Variants in CCDC136 observed in about 807,000 individuals in gnomAD.
CCDC136 encodes coiled-coil domain-containing protein 136.
A neutral mutation model predicts 141.2 loss-of-function variants in CCDC136; 100 were observed. That is an observed-to-expected ratio of 0.71 (90% CI 0.60 to 0.84). The LOEUF (loss-of-function observed/expected upper bound fraction) is 0.84. Ranked by LOEUF, CCDC136 falls within the 40% of genes least tolerant of loss-of-function variation. The pLI is 0.00. For synonymous variants in CCDC136, 474 were observed against 531.9 expected, an observed-to-expected ratio of 0.89 and a Z score of 1.50; for missense variants, 1,206 against 1,379.4, an observed-to-expected ratio of 0.87 and a Z score of 1.99.
At chr7:128,812,616 C>A in intron 13 of CCDC136, 92 bp from the exon 14 acceptor site, 1 of 978,480 alleles carries the variant, frequency 1.0e-6, no homozygotes, top group Non-Finnish European at 1.6e-6. Flanking sequence ...ATCCTGGTGG[C>A]CATTGTTTGG....
At position 128,817,733 on chromosome 7, in the gene CCDC136, T is replaced by C; in HGVS notation, c.3364-25T>C. ...ACATCTCCTGGTCTCTCCTCGTGCT[T>C]CTTTCTCATTTTGGTGTGTTGCAGT... On this transcript the variant is annotated intron_variant, in intron 16 of 17. Transcript: ENST00000297788. The surrounding 1 kb of genome is among the most constrained non-coding windows in gnomAD (Gnocchi z 4.6). The C allele has an allele frequency of 6.6e-7, 1 of 1,516,620 alleles. No homozygotes were observed. Among genetic ancestry groups the C allele is most frequent in the South Asian group, 1.1e-5 (1 of 89,056 alleles). The allele number at this position is 1,516,620 out of a possible 1,614,324, so 93.9% of individuals were successfully genotyped here. A position where few individuals can be genotyped will look rare whatever the true frequency, so the allele number is the denominator to read the frequency against.
intron 16 of CCDC136, among the ~76,000 whole-genome samples, chr7:128,816,475 A>G (rs1187225381): frequency 6.6e-6 from 1 of 152,116 alleles, no homozygotes; most frequent in Non-Finnish European, 1.5e-5. Flanking sequence ...TGGGGCCTGG[A>G]AGTGATCAAG....
intron 14 of CCDC136, among the ~76,000 whole-genome samples, 160 bp downstream of exon 14, chr7:128,813,089 C>T (rs952579612): frequency 6.6e-6 from 1 of 152,150 alleles, no homozygotes; most frequent in Admixed American, 6.5e-5. Flanking sequence ...CCCAAGTGCC[C>T]GTGGAGCTGG....
chr7:128,808,257 G>A (rs11765411), intron 10 of CCDC136, among the ~76,000 whole-genome samples: 2,375 of 152,182 alleles, frequency 0.016, 24 homozygotes, highest in Non-Finnish European at 0.023. Context: ...GGCTGGTCTC[G>A]AACTCCTGAC....
At position 128,794,652 on chromosome 7, in the gene CCDC136, C is replaced by G. The variant is rs1802679990; in HGVS notation, c.272-42C>G. On this transcript the variant is annotated intron_variant, in intron 2 of 17. Transcript: ENST00000297788. The surrounding 1 kb of genome is among the most constrained non-coding windows in gnomAD (Gnocchi z 4.3). ...TGCCCGGGCCCAGAGGCTCTGCACTCCCCTGGATCCGAGCTTGACACTGGT... is the reference window on the plus strand; with the variant it reads ...TGCCCGGGCCCAGAGGCTCTGCACTGCCCTGGATCCGAGCTTGACACTGGT... 6.5e-7 allele frequency: 1 copy of G among 1,541,784 alleles called. No homozygotes were observed. Among genetic ancestry groups the G allele is most frequent in the Non-Finnish European group, 8.8e-7 (1 of 1,141,850 alleles).
At position 128,810,242 on chromosome 7, in the gene CCDC136, T is replaced by C; in HGVS notation, c.1904T>C (p.Val635Ala). The change falls in exon 12 of 18, where the codon GTA becomes GCA. Residue 635 changes from valine (V) to alanine (A), a missense_variant. Val to Ala is a moderately conservative substitution (Grantham distance 64). Coordinates refer to ENST00000297788, the MANE Select transcript of CCDC136 (RefSeq NM_022742.5). ...QKKLIQNQDC[V>A]LKEQLEIHEE... ...AAGCTGATACAGAACCAAGACTGTG[T>C]ATTAAAAGAACAATTAGAGATCCAC... 1 of 1,613,414 alleles carries C rather than the reference T, an allele frequency of 6.2e-7. No individual in the cohort carries two copies. Among genetic ancestry groups the C allele is most frequent in the Non-Finnish European group, 8.5e-7 (1 of 1,179,638 alleles).
In CCDC136 at chr7:128,806,405, A is replaced by G. The variant is rs996081806; in HGVS notation, c.1248+10A>G. 7.5e-6 allele frequency: 12 copies of G among 1,594,208 alleles called. No homozygotes were observed. The highest frequency in any genetic ancestry group is 5.4e-5 in the African/African-American group (4 of 74,578). ...AAACCAGAGTGAGAAGGTAACAGCA[A>G]CCAGAGGTGAGGGGACAACTTAGGT... On this transcript the variant is annotated intron_variant, in intron 8 of 17. Transcript: ENST00000297788.
Position 128,805,183 on chromosome 7 carries a change from T to C in CCDC136, c.783-176T>C, listed in dbSNP as rs930922136. ...CCAGAGCCAAACACACCTTTGCAGATTGAGGGGCTGGAGACTTTCTGTAGT... is the reference window on the plus strand; with the variant it reads ...CCAGAGCCAAACACACCTTTGCAGACTGAGGGGCTGGAGACTTTCTGTAGT... On this transcript the variant is annotated intron_variant, in intron 5 of 17. Transcript: ENST00000297788. The surrounding 1 kb of genome is among the most constrained non-coding windows in gnomAD (Gnocchi z 4.6). Among the ~76,000 whole-genome samples, 2 of 152,114 alleles carry C rather than the reference T, an allele frequency of 1.3e-5. No homozygotes were observed. The highest frequency in any genetic ancestry group is 4.8e-5 in the African/African-American group (2 of 41,410).
In CCDC136 at chr7:128,798,805, C is replaced by T. The variant is rs539554313; in HGVS notation, c.347-2381C>T. Among the ~76,000 whole-genome samples, 276 of 151,926 alleles carry T rather than the reference C, an allele frequency of 1.8e-3. 9 individuals are homozygous for T. The South Asian group carries it at 0.051, about 28-fold the overall frequency. ...GAGAATCTAACAGGAGATTCTTGGC[C>T]TTGGCACGCAGTTAAGGATCAGTTA... On this transcript the variant is annotated intron_variant, in intron 3 of 17. Coordinates refer to ENST00000297788, the MANE Select transcript of CCDC136 (RefSeq NM_022742.5).
At chr7:128,810,079 C>A in intron 11 of CCDC136, 60 bp from the exon 12 acceptor site, 1 of 1,005,354 alleles carries the variant, frequency 9.9e-7, no homozygotes, top group Non-Finnish European at 1.5e-6. Flanking sequence ...ACCAAGGAGG[C>A]ATCAGACTTC....
chr7:128,798,888 G>A (rs557533791), intron 3 of CCDC136, among the ~76,000 whole-genome samples: 1 of 152,102 alleles, frequency 6.6e-6, no homozygotes, highest in Non-Finnish European at 1.5e-5. Context: ...GAACTGGAAA[G>A]ATTGGCAAAA....
Position 128,805,607 on chromosome 7 carries a change from TA to T in CCDC136, c.948+84del. ...CCAGCCTGTGGTAGAAACATCTCCA[TA>T]GGCATCCACTGTGGAGGGAGATAGT... On this transcript the variant is annotated intron_variant, in intron 6 of 17. Transcript: ENST00000297788. The surrounding 1 kb of genome is among the most constrained non-coding windows in gnomAD (Gnocchi z 4.6). The T allele has an allele frequency of 6.6e-7, 1 of 1,514,576 alleles. No homozygotes were observed. 93.8% of individuals were successfully genotyped at this position (1,514,576 alleles called of 1,614,324 possible).
Position 128,792,397 on chromosome 7 carries a change from C to G in CCDC136, c.-15C>G. The G allele has an allele frequency of 6.2e-7, 1 of 1,611,460 alleles. No individual in the cohort carries two copies. Among genetic ancestry groups the G allele is most frequent in the East Asian group, 2.3e-5 (1 of 44,440 alleles). ...GAAGAAGGGCCAACGCTGGGGGTCC[C>G]TGGAACGACGGGGGATGCAAGCTAT... is the stretch of plus-strand genomic sequence containing the variant. On this transcript the variant is annotated 5_prime_UTR_variant, in exon 1 of 18. Transcript: ENST00000297788.
chr7:128,816,012 A>C (rs1438947298), intron 16 of CCDC136, 81 bp downstream of exon 16: 2 of 1,382,058 alleles, frequency 1.4e-6, no homozygotes, highest in Non-Finnish European at 2.0e-6. Context: ...TGGCCCTGCC[A>C]AGGATGGATA....
intron 14 of CCDC136, among the ~76,000 whole-genome samples, chr7:128,813,971 A>G (rs1806174277): frequency 6.6e-6 from 1 of 152,104 alleles, no homozygotes; most frequent in African/African-American, 2.4e-5. Flanking sequence ...AACAAGAGTG[A>G]AACTCTTGTC....
chr7:128,811,377 A>C (rs761457969), intron 12 of CCDC136: 2 of 458,158 alleles, frequency 4.4e-6, no homozygotes, highest in African/African-American at 4.0e-5. Flanking sequence ...CCAATTCTTC[A>C]TATTGCCGCA....
At chr7:128,820,326 A>G (rs1585137644) in intron 17 of CCDC136, among the ~76,000 whole-genome samples, 1 of 152,204 alleles carries the variant, frequency 6.6e-6, no homozygotes, top group Non-Finnish European at 1.5e-5. Flanking sequence ...AAACAACTCA[A>G]CGTCCAAAAA....
chr7:128,796,742 CTTTT>C (rs1218339624), intron 3 of CCDC136, among the ~76,000 whole-genome samples: 1 of 108,928 alleles, frequency 9.2e-6, no homozygotes. Flanking sequence ...TATATATATT[CTTTT>C]TTTTTTTTTT....
intron 14 of CCDC136, 111 bp from the exon 15 acceptor site, chr7:128,814,525 CAG>C (rs1399983887): frequency 2.1e-5 from 15 of 716,086 alleles, no homozygotes; most frequent in Non-Finnish European, 3.3e-5. Flanking sequence ...TGGGCTTTAA[CAG>C]GGAGATTTCT....
Sources: allele counts gnomAD v4.1 joint callset (sites outside exome capture counted in the v4.1 genomes callset), GRCh38; gene constraint gnomAD v4.1.1; non-coding constraint Gnocchi (gnomAD v3.1); transcripts MANE v1.5; gene names NCBI Gene and HGNC (gene_info 2026-07-23, HGNC 2026-07-21).